Variants in LYPD6 observed in about 807,000 individuals in gnomAD.
LYPD6 encodes ly6/PLAUR domain-containing protein 6.
A neutral mutation model predicts 22.7 loss-of-function variants in LYPD6; 15 were observed. The ratio of observed to expected loss-of-function variants is 0.66; its 90% CI spans 0.44 to 1.02. LYPD6 has a LOEUF of 1.02. LYPD6 is among the 50% of genes least tolerant of loss of function. LYPD6 has a pLI of 0.00. For synonymous variants in LYPD6, 72 were observed against 77.5 expected (o/e 0.93, Z 0.37); for missense variants, 189 against 208.4 (o/e 0.91, Z 0.57).
At chr2:149,475,646 TG>T (rs1489867190), downstream of LYPD6, among the ~76,000 whole-genome samples, 1 of 152,206 alleles carries the variant, frequency 6.6e-6, no homozygotes, top group Non-Finnish European at 1.5e-5. Context: ...GGAATTGGAT[TG>T]GGGGACCTCT....
intron 2 of LYPD6, among the ~76,000 whole-genome samples, chr2:149,445,690 G>A (rs542315638): frequency 9.2e-5 from 14 of 152,304 alleles, no homozygotes; most frequent in Admixed American, 2.0e-4. Flanking sequence ...GAACTAATAA[G>A]AGTTAGGACC....
intron 1 of LYPD6, among the ~76,000 whole-genome samples, chr2:149,406,257 G>T (rs1265062679): frequency 1.3e-5 from 2 of 151,988 alleles, no homozygotes; most frequent in Admixed American, 6.6e-5. Context: ...GGTCCACTTG[G>T]TGCAGAGCTG....
chr2:149,462,492 G>T, intron 3 of LYPD6, among the ~76,000 whole-genome samples: 1 of 151,048 alleles, frequency 6.6e-6, no homozygotes, highest in East Asian at 1.9e-4. Context: ...TCTACAGATT[G>T]TTATATAGGT....
chr2:149,458,049 C>T (rs1446382935), intron 3 of LYPD6, among the ~76,000 whole-genome samples: 1 of 152,346 alleles, frequency 6.6e-6, no homozygotes, highest in East Asian at 1.9e-4. Context: ...TAGACAATAG[C>T]TGCTCTACTG....
At chr2:149,400,354 G>A (rs900008860) in intron 1 of LYPD6, among the ~76,000 whole-genome samples, 2 of 152,122 alleles carry the variant, frequency 1.3e-5, no homozygotes, top group Non-Finnish European at 2.9e-5. Flanking sequence ...CCTAGCAAAC[G>A]GAAAGCAACA....
chr2:149,456,821 T>C (rs918730899), intron 3 of LYPD6, among the ~76,000 whole-genome samples: 3 of 152,224 alleles, frequency 2.0e-5, no homozygotes, highest in Admixed American at 2.0e-4. Flanking sequence ...CTAATATAGT[T>C]ACCCTCCTAA....
At chr2:149,380,811 T>A (rs1290180154) in intron 1 of LYPD6, among the ~76,000 whole-genome samples, 10 of 152,124 alleles carry the variant, frequency 6.6e-5, no homozygotes, top group Admixed American at 6.5e-4. Context: ...AAGAAGTTAT[T>A]GAATGAAGGG....
At chr2:149,417,224 A>G (rs140409681) in intron 1 of LYPD6, among the ~76,000 whole-genome samples, 1,726 of 152,298 alleles carry the variant, frequency 0.011, 35 homozygotes, top group African/African-American at 0.04. Context: ...TGCAGATGAC[A>G]TGGACTTGCT....
At chr2:149,400,275 A>G (rs1290203076) in intron 1 of LYPD6, among the ~76,000 whole-genome samples, 1 of 152,240 alleles carries the variant, frequency 6.6e-6, no homozygotes, top group African/African-American at 2.4e-5. Flanking sequence ...TATAGGGGGT[A>G]ATGAAGACAT....
intron 3 of LYPD6, among the ~76,000 whole-genome samples, chr2:149,462,074 G>A (rs989343904): frequency 6.6e-6 from 1 of 151,990 alleles, no homozygotes; most frequent in Admixed American, 6.5e-5. Flanking sequence ...GTAAATAAAA[G>A]ACATACAGAT....
chr2:149,337,195 C>G (rs1200003890), intron 1 of LYPD6, among the ~76,000 whole-genome samples: 1 of 152,082 alleles, frequency 6.6e-6, no homozygotes, highest in African/African-American at 2.4e-5. Context: ...GTGTCTAGCA[C>G]AGAAGACTCT....
intron 2 of LYPD6, among the ~76,000 whole-genome samples, chr2:149,442,157 G>T (rs893721791): frequency 1.3e-5 from 2 of 152,182 alleles, no homozygotes; most frequent in African/African-American, 4.8e-5. Context: ...TTTTATATAT[G>T]CATCCAGTTT....
intron 1 of LYPD6, among the ~76,000 whole-genome samples, chr2:149,394,055 T>A (rs956186348): frequency 6.6e-6 from 1 of 152,208 alleles, no homozygotes; most frequent in Non-Finnish European, 1.5e-5. Context: ...ATTCGGTCAT[T>A]AGCTTACACT....
chr2:149,355,630 C>T (rs1374549555), intron 1 of LYPD6, among the ~76,000 whole-genome samples: 4 of 152,096 alleles, frequency 2.6e-5, no homozygotes, highest in Non-Finnish European at 5.9e-5. Flanking sequence ...CCCAAGGAAC[C>T]TAGTGGTCAG....
In LYPD6 at chr2:149,439,029, C is replaced by T. The variant is rs530980487; in HGVS notation, c.118+1203C>T. Among the ~76,000 whole-genome samples the T allele has an allele frequency of 1.2e-4, 19 of 152,320 alleles. No homozygotes were observed. The South Asian group carries it at 3.9e-3, about 32-fold the overall frequency. Reference sequence around the variant, plus strand: ...TCTAAAGTGGTAAAGTAATATAATACATACTCGTTAGCATTATTTTATGGA... The same window carrying T: ...TCTAAAGTGGTAAAGTAATATAATATATACTCGTTAGCATTATTTTATGGA... On this transcript the variant is annotated intron_variant, in intron 2 of 4. Coordinates refer to ENST00000334166, the MANE Select transcript of LYPD6 (RefSeq NM_194317.5).
At chr2:149,332,831 A>T (rs1452650583) in intron 1 of LYPD6, among the ~76,000 whole-genome samples, 2 of 152,184 alleles carry the variant, frequency 1.3e-5, no homozygotes, top group Non-Finnish European at 2.9e-5. Flanking sequence ...GCTGATAAAG[A>T]ATTAAGGTGA....
At chr2:149,402,534 G>T (rs1020072982) in intron 1 of LYPD6, among the ~76,000 whole-genome samples, 6 of 151,906 alleles carry the variant, frequency 3.9e-5, no homozygotes, top group African/African-American at 1.5e-4. Flanking sequence ...TTTCTCCTTG[G>T]CATCCATGCC....
intron 1 of LYPD6, among the ~76,000 whole-genome samples, chr2:149,423,441 A>G (rs188348783): frequency 9.9e-5 from 15 of 152,144 alleles, no homozygotes; most frequent in Admixed American, 9.8e-4. Context: ...GTAGATTTTA[A>G]CCACCCTGTA....
At chr2:149,400,629 A>AAC (rs3045765) in intron 1 of LYPD6, among the ~76,000 whole-genome samples, 152,089 of 152,332 alleles carry the variant, frequency 1, 75,923 homozygotes, top group Middle Eastern at 1. Flanking sequence ...ACTTCCTGGT[A>AAC]ACAATTTTAA....
Sources: allele counts gnomAD v4.1 joint callset (sites outside exome capture counted in the v4.1 genomes callset), GRCh38; gene constraint gnomAD v4.1.1; transcripts MANE v1.5; gene names NCBI Gene and HGNC (gene_info 2026-07-23, HGNC 2026-07-21).